Variants in DMD observed in about 807,000 individuals in gnomAD.
DMD encodes the protein mutant dystrophin.
DMD carries 63 observed loss-of-function variants against 330.1 expected under a neutral mutation model. The ratio of observed to expected loss-of-function variants is 0.19; its 90% confidence interval spans 0.16 to 0.24. The LOEUF is 0.24. Among genes scored for constraint, DMD ranks in the 10% least tolerant of loss-of-function variants. DMD has a pLI of 1.00. For missense variants in DMD, 3,344 were observed against 2,684.1 expected, an observed-to-expected ratio of 1.25 and a Z score of -5.43; for synonymous variants, 1,223 against 959.8, an observed-to-expected ratio of 1.27 and a Z score of -5.07.
At chrX:31,550,079 G>C (rs1430854207) in intron 55 of DMD, among the ~76,000 whole-genome samples, 1 of 111,302 alleles carries the variant, frequency 9.0e-6, no homozygotes, top group Non-Finnish European at 1.9e-5. Flanking sequence ...AGGAAGGTGA[G>C]AGAGAGCATT....
intron 62 of DMD, among the ~76,000 whole-genome samples, chrX:31,316,287 T>C (rs2056005428): frequency 8.9e-6 from 1 of 112,231 alleles, no homozygotes; most frequent in African/African-American, 3.2e-5. Context: ...TACTACAAGA[T>C]TGTTTTGAAG....
chrX:31,413,107 G>A (rs913092876), intron 60 of DMD, among the ~76,000 whole-genome samples: 1 of 112,090 alleles, frequency 8.9e-6, no homozygotes, highest in Non-Finnish European at 1.9e-5. Context: ...CTCATCATAC[G>A]TGATGCTCAT....
chrX:31,676,984 C>T (rs1338047428), intron 53 of DMD, among the ~76,000 whole-genome samples: 2 of 111,259 alleles, frequency 1.8e-5, no homozygotes, highest in African/African-American at 3.3e-5. Flanking sequence ...AATTCCTAAA[C>T]ACAGAGCACA....
intron 9 of DMD, among the ~76,000 whole-genome samples, chrX:32,691,596 T>C (rs1178047390): frequency 9.0e-6 from 1 of 111,377 alleles, no homozygotes; most frequent in Non-Finnish European, 1.9e-5. Flanking sequence ...GAAAATAATA[T>C]AGTTGCTCCT....
intron 6 of DMD, among the ~76,000 whole-genome samples, chrX:32,810,415 G>A (rs1481078798): frequency 9.0e-6 from 1 of 111,078 alleles, no homozygotes; most frequent in Non-Finnish European, 1.9e-5. Context: ...AGCTTCAAGT[G>A]TCCTGAACTG....
At chrX:31,830,965 C>G (rs748397836) in intron 49 of DMD, among the ~76,000 whole-genome samples, 2 of 111,969 alleles carry the variant, frequency 1.8e-5, no homozygotes, top group South Asian at 7.5e-4. Context: ...ACTAAGATAC[C>G]TAATCACTAC....
chrX:32,795,010 C>T (rs1317394810), intron 7 of DMD, among the ~76,000 whole-genome samples: 1 of 112,065 alleles, frequency 8.9e-6, no homozygotes, highest in Non-Finnish European at 1.9e-5. Flanking sequence ...TTGAAGAGTA[C>T]ACCAACAAAT....
intron 67 of DMD, among the ~76,000 whole-genome samples, chrX:31,198,566 T>G (rs893714110): frequency 1.8e-5 from 2 of 112,200 alleles, no homozygotes; most frequent in African/African-American, 6.5e-5. Context: ...TATGTGTCCA[T>G]AATAATTAAA....
chrX:31,783,294 G>A (rs1315654620), intron 50 of DMD, among the ~76,000 whole-genome samples: 1 of 111,875 alleles, frequency 8.9e-6, no homozygotes, highest in Non-Finnish European at 1.9e-5. Flanking sequence ...TTAGAGACAA[G>A]ACTCTGCAGT....
intron 2 of DMD, among the ~76,000 whole-genome samples, chrX:32,961,147 C>T (rs980876955): frequency 9.0e-6 from 1 of 110,729 alleles, no homozygotes; most frequent in Non-Finnish European, 1.9e-5. Flanking sequence ...GTTTTTGTTT[C>T]GTTTTGGTAT....
At chrX:31,246,403 G>A (rs1490729508) in intron 63 of DMD, among the ~76,000 whole-genome samples, 1 of 112,552 alleles carries the variant, frequency 8.9e-6, no homozygotes, top group African/African-American at 3.2e-5. Context: ...TGAAGCTAAG[G>A]TCATGGATGA....
chrX:31,657,954 A>G, intron 54 of DMD, 36 bp downstream of exon 54: 1 of 1,184,159 alleles, frequency 8.4e-7, no homozygotes, highest in Non-Finnish European at 1.1e-6. Flanking sequence ...CCATTATTAC[A>G]GCCAACAGTA....
intron 1 of DMD, among the ~76,000 whole-genome samples, chrX:33,063,820 A>T (rs2094610388): frequency 9.0e-6 from 1 of 110,739 alleles, no homozygotes; most frequent in Non-Finnish European, 1.9e-5. Context: ...TTGCAGTCCT[A>T]GATGACCTGC....
chrX:31,522,363 C>CTCTCTCTCTCTATATATATATA, intron 55 of DMD, among the ~76,000 whole-genome samples: 34 of 35,954 alleles, frequency 9.5e-4, no homozygotes, highest in Non-Finnish European at 1.1e-3. Flanking sequence ...CTCTCTCTCT[C>CTCTCTCTCTCTATATATATATA]TATATATATA....
intron 74 of DMD, among the ~76,000 whole-genome samples, chrX:31,160,667 T>C (rs183243036): frequency 8.9e-6 from 1 of 112,083 alleles, no homozygotes; most frequent in East Asian, 2.8e-4. Flanking sequence ...GCTAACGTAA[T>C]GATGACTTTC....
At chrX:31,454,939 T>C (rs2066044610) in intron 59 of DMD, among the ~76,000 whole-genome samples, 1 of 101,600 alleles carries the variant, frequency 9.8e-6, no homozygotes, top group African/African-American at 3.8e-5. Context: ...TTTAAGTTAG[T>C]TTTTTCTTTT....
chrX:32,024,960 T>C, intron 44 of DMD, among the ~76,000 whole-genome samples: 1 of 111,750 alleles, frequency 8.9e-6, no homozygotes, highest in African/African-American at 3.3e-5. Flanking sequence ...TTTTTCTTCT[T>C]CAATAAATGC....
intron 2 of DMD, among the ~76,000 whole-genome samples, chrX:33,011,726 T>A (rs1291513416): frequency 1.8e-5 from 2 of 111,974 alleles, no homozygotes; most frequent in Middle Eastern, 4.2e-3. Flanking sequence ...TTAGTAAACA[T>A]ATATCTCTGA....
intron 4 of DMD, among the ~76,000 whole-genome samples, chrX:32,823,983 C>T (rs1483218264): frequency 8.9e-6 from 1 of 111,815 alleles, no homozygotes; most frequent in Non-Finnish European, 1.9e-5. Context: ...ACACAAGCAT[C>T]TGAAAAGCAA....
Sources: allele counts gnomAD v4.1 joint callset (sites outside exome capture counted in the v4.1 genomes callset), GRCh38; gene constraint gnomAD v4.1.1; transcripts MANE v1.5; gene names NCBI Gene and HGNC (gene_info 2026-07-23, HGNC 2026-07-21).